ADAMTSL3: variants seen among roughly 807,000 people sequenced by gnomAD.
ADAMTSL3 encodes the protein ADAMTS-like protein 3.
A neutral mutation model predicts 201.7 loss-of-function variants in ADAMTSL3; 128 were observed. That is an observed-to-expected ratio of 0.63 (90% CI 0.55 to 0.73). ADAMTSL3 has a LOEUF of 0.73. ADAMTSL3 is among the 30% of genes least tolerant of loss of function. The pLI, the probability that ADAMTSL3 is intolerant of heterozygous loss-of-function variation, is 0.00. For missense variants in ADAMTSL3, 1,990 were observed against 2,119.6 expected (o/e 0.94, Z 1.20); for synonymous variants, 738 against 748.4 (o/e 0.99, Z 0.23).
intron 20 of ADAMTSL3, among the ~76,000 whole-genome samples, chr15:83,975,379 C>T (rs1045664120): frequency 1.3e-5 from 2 of 152,116 alleles, no homozygotes; most frequent in African/African-American, 4.8e-5. Context: ...CCTGCTCTAA[C>T]TCCTCCTCTA....
At chr15:83,685,542 G>A (rs1391658871) in intron 2 of ADAMTSL3, among the ~76,000 whole-genome samples, 1 of 152,106 alleles carries the variant, frequency 6.6e-6, no homozygotes, top group Non-Finnish European at 1.5e-5. Flanking sequence ...TTACTTTGAT[G>A]CCACAAAGAT....
chr15:83,729,495 C>T (rs1220777705), intron 3 of ADAMTSL3, among the ~76,000 whole-genome samples: 1 of 151,862 alleles, frequency 6.6e-6, no homozygotes, highest in Non-Finnish European at 1.5e-5. Context: ...TGTCTTCAAG[C>T]TCACTAATTC....
intron 3 of ADAMTSL3, among the ~76,000 whole-genome samples, chr15:83,725,951 T>C (rs1596095921): frequency 6.6e-6 from 1 of 152,112 alleles, no homozygotes; most frequent in Non-Finnish European, 1.5e-5. Flanking sequence ...TATTTTGATA[T>C]GGATTGCATT....
chr15:83,685,146 A>G (rs368675758), intron 2 of ADAMTSL3, among the ~76,000 whole-genome samples: 2 of 152,132 alleles, frequency 1.3e-5, no homozygotes, highest in African/African-American at 4.8e-5. Context: ...ACTTCTGCGA[A>G]TTGCTTATTC....
At chr15:83,657,937 C>T (rs1243763184) in intron 2 of ADAMTSL3, among the ~76,000 whole-genome samples, 1 of 152,140 alleles carries the variant, frequency 6.6e-6, no homozygotes, top group Non-Finnish European at 1.5e-5. Context: ...GCCGCCCTTT[C>T]TGAAGTATCT....
At chr15:83,934,268 C>T (rs1174986673) in intron 17 of ADAMTSL3, among the ~76,000 whole-genome samples, 1 of 152,200 alleles carries the variant, frequency 6.6e-6, no homozygotes, top group African/African-American at 2.4e-5. Context: ...ATGCGACACA[C>T]GAAGTTAAAA....
At chr15:83,754,247 GTT>G (rs1241282776) in intron 3 of ADAMTSL3, among the ~76,000 whole-genome samples, 1 of 152,214 alleles carries the variant, frequency 6.6e-6, no homozygotes, top group Non-Finnish European at 1.5e-5. Context: ...ATTCTAGAAT[GTT>G]TGTTGAAATA....
intron 15 of ADAMTSL3, among the ~76,000 whole-genome samples, chr15:83,903,969 A>ACGGAGGG (rs1567226223): frequency 1.1e-5 from 1 of 89,674 alleles, no homozygotes; most frequent in Non-Finnish European, 2.4e-5. Flanking sequence ...AGAAAGAAAG[A>ACGGAGGG]AAAGGAGCTA....
chr15:83,921,228 C>T (rs926740790), intron 16 of ADAMTSL3, among the ~76,000 whole-genome samples: 1 of 152,060 alleles, frequency 6.6e-6, no homozygotes, highest in Non-Finnish European at 1.5e-5. Flanking sequence ...ATATTATAGT[C>T]CGAGAATGTT....
chr15:84,039,007 G>A lies in ADAMTSL3; in HGVS notation c.*1201G>A, dbSNP rs1013443046. ...GGGGCCAGTGCTGGTGTTAGTGATAGTGTCAGGATGGAGGTTAGGTTTGGA... is the reference window on the plus strand; with the variant it reads ...GGGGCCAGTGCTGGTGTTAGTGATAATGTCAGGATGGAGGTTAGGTTTGGA... On this transcript the variant is annotated 3_prime_UTR_variant, in exon 30 of 30. Coordinates refer to ENST00000286744, the MANE Select transcript of ADAMTSL3 (RefSeq NM_207517.3). 6.6e-6 allele frequency: 1 copy of A among 152,640 alleles called. No individual in the cohort carries two copies. The highest frequency in any genetic ancestry group is 1.5e-5 in the Non-Finnish European group (1 of 68,098). 9.5% of individuals were successfully genotyped at this position (152,640 alleles called of 1,614,324 possible). A position where few individuals can be genotyped will look rare whatever the true frequency, so the allele number is the denominator to read the frequency against.
At chr15:84,009,178 T>C (rs956105676) in intron 23 of ADAMTSL3, among the ~76,000 whole-genome samples, 1 of 152,166 alleles carries the variant, frequency 6.6e-6, no homozygotes, top group African/African-American at 2.4e-5. Flanking sequence ...ATCTTTGGAA[T>C]AGAAACCAAA....
At chr15:83,795,133 T>G (rs2063403909) in intron 4 of ADAMTSL3, among the ~76,000 whole-genome samples, 3 of 152,028 alleles carry the variant, frequency 2.0e-5, no homozygotes, top group Non-Finnish European at 4.4e-5. Flanking sequence ...GGATTACAGG[T>G]GTGAACCACC....
At chr15:83,662,931 T>TAAAA (rs1161368626) in intron 2 of ADAMTSL3, among the ~76,000 whole-genome samples, 4 of 152,184 alleles carry the variant, frequency 2.6e-5, no homozygotes, top group African/African-American at 9.6e-5. Flanking sequence ...GCCCTCTGGG[T>TAAAA]AGCAGATGTG....
At chr15:83,665,024 C>A (rs924300681) in intron 2 of ADAMTSL3, among the ~76,000 whole-genome samples, 1 of 152,094 alleles carries the variant, frequency 6.6e-6, no homozygotes, top group Non-Finnish European at 1.5e-5. Flanking sequence ...GTTGCGACAC[C>A]ATTGGACCAT....
chr15:83,985,389 T>G (rs1257057867), intron 21 of ADAMTSL3, among the ~76,000 whole-genome samples: 1 of 152,056 alleles, frequency 6.6e-6, no homozygotes, highest in Non-Finnish European at 1.5e-5. Context: ...AAAAAATATA[T>G]ATATATATAT....
chr15:83,893,624 C>T (rs1028904827), intron 13 of ADAMTSL3, among the ~76,000 whole-genome samples: 1 of 152,076 alleles, frequency 6.6e-6, no homozygotes, highest in Non-Finnish European at 1.5e-5. Flanking sequence ...TTGGGAAAGA[C>T]CAGAGGCGGG....
At chr15:83,792,334 A>G (rs998062949) in intron 4 of ADAMTSL3, among the ~76,000 whole-genome samples, 20 of 152,184 alleles carry the variant, frequency 1.3e-4, no homozygotes, top group Non-Finnish European at 2.8e-4. Flanking sequence ...CTAAACCACA[A>G]TGAGGTATCA....
chr15:83,781,797 G>A (rs894951296), intron 4 of ADAMTSL3, among the ~76,000 whole-genome samples: 4 of 152,040 alleles, frequency 2.6e-5, no homozygotes, highest in African/African-American at 9.7e-5. Flanking sequence ...AAGAGAAGAC[G>A]TGGCCAAAAG....
At chr15:83,820,821 T>A (rs1401862013) in intron 6 of ADAMTSL3, among the ~76,000 whole-genome samples, 1 of 152,116 alleles carries the variant, frequency 6.6e-6, no homozygotes, top group Non-Finnish European at 1.5e-5. Flanking sequence ...CACCCTGTAA[T>A]CCCAGCACTT....
Sources: gnomAD v4.1 joint callset for allele counts (sites outside exome capture counted in the v4.1 genomes callset) on GRCh38, gnomAD v4.1.1 for gene constraint, MANE v1.5 for transcripts, NCBI Gene and HGNC (gene_info 2026-07-23, HGNC 2026-07-21) for gene names.